Variants in VASP observed in about 807,000 individuals in gnomAD.
VASP encodes the protein vasodilator stimulated phosphoprotein.
A neutral mutation model predicts 54.4 loss-of-function variants in VASP; 27 were observed. The ratio of observed to expected loss-of-function variants is 0.50; its 90% CI spans 0.37 to 0.68. The LOEUF (loss-of-function observed/expected upper bound fraction) is 0.68. Among genes scored for constraint, VASP ranks in the 30% least tolerant of loss-of-function variants. VASP has a pLI of 0.00. For synonymous variants in VASP, 233 were observed against 209.8 expected (o/e 1.11, Z -0.96); for missense variants, 488 against 528.3 (o/e 0.92, Z 0.75).
rs963121954 is a variant in VASP at position 45,507,882 on chromosome 19, T to C, written c.5+106T>C. The C allele has an allele frequency of 1.5e-5, 10 of 667,468 alleles. No individual in the cohort carries two copies. The African/African-American group carries it at 1.8e-4, about 12-fold the overall frequency. The allele number at this position is 667,468 out of a possible 1,614,324, so 41.3% of individuals were successfully genotyped here. A position where few individuals can be genotyped will look rare whatever the true frequency, so the allele number is the denominator to read the frequency against. ...CTCCGGGCTGGAATTTGGGGACAGATCCTTGGGAGCCTCGGATTTGAGCTG... is the reference window on the plus strand; with the variant it reads ...CTCCGGGCTGGAATTTGGGGACAGACCCTTGGGAGCCTCGGATTTGAGCTG... On this transcript the variant is annotated intron_variant, in intron 1 of 12. Coordinates refer to ENST00000245932, the MANE Select transcript of VASP (RefSeq NM_003370.4). This position sits in a 1 kb window ranked among gnomAD's most constrained non-coding sequence, Gnocchi z 4.4.
At chr19:45,521,620 G>A (rs1488397890) in intron 4 of VASP, among the ~76,000 whole-genome samples, 4 of 152,252 alleles carry the variant, frequency 2.6e-5, no homozygotes, top group African/African-American at 9.6e-5. Context: ...TGGGCGTGGT[G>A]GCTCACGCCT....
At chr19:45,520,736 A>G (rs1296077773) in intron 3 of VASP, among the ~76,000 whole-genome samples, 1 of 151,956 alleles carries the variant, frequency 6.6e-6, no homozygotes, top group Non-Finnish European at 1.5e-5. Context: ...GGCTGAGGCA[A>G]GTGGATCACT....
chr19:45,517,745 C>T lies in VASP; in HGVS notation c.88C>T (p.Pro30Ser). 1 of 1,613,394 alleles carries T rather than the reference C, an allele frequency of 6.2e-7. No homozygotes were observed. The highest frequency in any genetic ancestry group is 8.5e-7 in the Non-Finnish European group (1 of 1,180,016). Reference protein sequence around the residue: ...NKRWLPAGTGPQAFSRVQIYH... With the variant: ...NKRWLPAGTGSQAFSRVQIYH... ...GCGATGGCTCCCTGCTGGCACGGGT[C>T]CCCAGGCCTTCAGCCGCGTCCAGAT... Residue 30 changes from proline to serine, a missense_variant, in exon 2 of 13, where the codon CCC (proline) becomes TCC (serine). By Grantham distance (74) the Pro-to-Ser change is moderately conservative. Around this residue, in one of 4 missense-constraint regions of VASP, gnomAD observed 127 missense variants for 170.7 expected, o/e 0.74. Transcript: ENST00000245932.
intron 1 of VASP, among the ~76,000 whole-genome samples, chr19:45,510,041 G>A (rs568048589): frequency 6.6e-6 from 1 of 152,326 alleles, no homozygotes; most frequent in Admixed American, 6.5e-5. Flanking sequence ...TGGGAAGACA[G>A]AGAAGCGAGG....
chr19:45,523,190 A>ATTTTTTTTTTTTTTT lies in VASP; in HGVS notation c.821+388_821+402dup, dbSNP rs61288703. On this transcript the variant is annotated intron_variant, in intron 7 of 12. Coordinates refer to ENST00000245932, the MANE Select transcript of VASP (RefSeq NM_003370.4). ...TGATTCTAGAACCACAATCTCTTGAATTTTTTTTTTTTTTTTTTTTTTTTT... is the reference window on the plus strand; with the variant it reads ...TGATTCTAGAACCACAATCTCTTGAATTTTTTTTTTTTTTTTTTTTTTTTTTTTTTTTTTTTTTTT... 6.7e-5 allele frequency among the ~76,000 whole-genome samples: 5 copies of ATTTTTTTTTTTTTTT among 74,730 alleles called. 1 individual carries two copies. The highest frequency in any genetic ancestry group is 4.6e-4 in the East Asian group (1 of 2,194). 49.0% of individuals were successfully genotyped at this position (74,730 alleles called of 152,430 possible).
chr19:45,523,256 G>GCAGTGGTATGAT (rs1568390528), intron 7 of VASP, among the ~76,000 whole-genome samples: 1 of 127,740 alleles, frequency 7.8e-6, no homozygotes, highest in African/African-American at 3.0e-5. Context: ...AGGCTGGAGT[G>GCAGTGGTATGAT]CAGTGGTATG....
chr19:45,522,686 C>T lies in VASP; in HGVS notation c.721-32C>T, dbSNP rs773369051. The T allele has an allele frequency of 1.5e-5, 24 of 1,600,874 alleles. No homozygotes were observed. The Admixed American group carries it at 3.4e-4, about 23-fold the overall frequency. ...GGCTGGAAGGCCAAAAGGCCTGCCCCTAAAGCTCCTGCCCCTTTTAAATTT... is the reference window on the plus strand; with the variant it reads ...GGCTGGAAGGCCAAAAGGCCTGCCCTTAAAGCTCCTGCCCCTTTTAAATTT... On this transcript the variant is annotated intron_variant, in intron 6 of 12. Coordinates refer to ENST00000245932, the MANE Select transcript of VASP (RefSeq NM_003370.4).
Position 45,526,639 on chromosome 19 carries a change from T to C in VASP, c.*462T>C, listed in dbSNP as rs1376165743. The C allele has an allele frequency of 6.6e-6, 1 of 150,750 alleles. No homozygotes were observed. The highest frequency in any genetic ancestry group is 1.5e-5 in the Non-Finnish European group (1 of 67,710). The allele number at this position is 150,750 out of a possible 1,614,324, so 9.3% of individuals were successfully genotyped here. ...GTTTTGATAAAATGGGATGTGGGAG[T>C]TTTTAAATGCTATAGCCCTGGGCTT... On this transcript the variant is annotated 3_prime_UTR_variant, in exon 13 of 13. Coordinates refer to ENST00000245932, the MANE Select transcript of VASP (RefSeq NM_003370.4).
At chr19:45,520,188 C>G (rs532909605) in intron 3 of VASP, among the ~76,000 whole-genome samples, 1 of 152,080 alleles carries the variant, frequency 6.6e-6, no homozygotes, top group African/African-American at 2.4e-5. Context: ...AGGCGCGAGT[C>G]ACGCGCCCAG....
At position 45,524,520 on chromosome 19, in the gene VASP, G is replaced by C. The variant is rs1291947517; in HGVS notation, c.957-50G>C. 3 of 1,562,172 alleles carry C rather than the reference G, an allele frequency of 1.9e-6. No homozygotes were observed. The South Asian group carries it at 3.3e-5, about 17-fold the overall frequency. On this transcript the variant is annotated intron_variant, in intron 10 of 12. Transcript: ENST00000245932. ...CCCTGGAATAGGAGGCGGGGAAGCA[G>C]GTCCTCTCTCTAATCTCATTGCTGT... is the stretch of plus-strand genomic sequence containing the variant.
chr19:45,515,801 A>G (rs763438569), intron 1 of VASP, among the ~76,000 whole-genome samples: 1 of 152,012 alleles, frequency 6.6e-6, no homozygotes, highest in Non-Finnish European at 1.5e-5. Flanking sequence ...GCTTCCCAAC[A>G]TGCTGTAATT....
intron 1 of VASP, among the ~76,000 whole-genome samples, chr19:45,509,536 C>G (rs928112128): frequency 1.3e-5 from 2 of 151,256 alleles, no homozygotes; most frequent in African/African-American, 4.9e-5. Context: ...ACCACCACCA[C>G]CAGCACCAGC....
intron 5 of VASP, 33 bp from the exon 6 acceptor site, chr19:45,522,307 T>G: frequency 3.7e-6 from 6 of 1,613,296 alleles, no homozygotes; most frequent in Non-Finnish European, 5.1e-6. Flanking sequence ...GGCTTCTCTC[T>G]CTCAGCTGCC....
chr19:45,526,099 A>G (rs1968960433), intron 12 of VASP, 41 bp from the exon 13 acceptor site: 3 of 1,613,794 alleles, frequency 1.9e-6, no homozygotes, highest in Non-Finnish European at 2.5e-6. Flanking sequence ...GGGAGGAGGC[A>G]GAGACTCTGC....
At chr19:45,518,970 T>C (rs987680293) in intron 3 of VASP, among the ~76,000 whole-genome samples, 1 of 152,158 alleles carries the variant, frequency 6.6e-6, no homozygotes, top group Non-Finnish European at 1.5e-5. Flanking sequence ...TAGCTGGGAT[T>C]ACAGGCATGT....
rs569494023 is a variant in VASP, at chr19:45,519,628, G to T, written c.343+1534G>T. Among the ~76,000 whole-genome samples the T allele has an allele frequency of 4.6e-3, 584 of 127,534 alleles. 4 individuals are homozygous for T. Among genetic ancestry groups the T allele is most frequent in the African/African-American group, 0.016 (547 of 33,332 alleles). The allele number at this position is 127,534 out of a possible 152,430, so 83.7% of individuals were successfully genotyped here. A position where few individuals can be genotyped will look rare whatever the true frequency, so the allele number is the denominator to read the frequency against. ...TTTTTTTTTTTGGAGACGGAGTCTCGCTCTGTCCCCAGGTTGGAGTGCAGT... is the reference window on the plus strand; with the variant it reads ...TTTTTTTTTTTGGAGACGGAGTCTCTCTCTGTCCCCAGGTTGGAGTGCAGT... On this transcript the variant is annotated intron_variant, in intron 3 of 12. Transcript: ENST00000245932.
intron 11 of VASP, 94 bp from the exon 12 acceptor site, chr19:45,525,852 G>A (rs776139127): frequency 9.2e-5 from 119 of 1,296,728 alleles, no homozygotes; most frequent in Non-Finnish European, 1.2e-4. Flanking sequence ...CTGGGCAACA[G>A]AGCAAGGTTC....
At chr19:45,519,025 A>AT (rs1968767715) in intron 3 of VASP, among the ~76,000 whole-genome samples, 1 of 136,152 alleles carries the variant, frequency 7.3e-6, no homozygotes, top group East Asian at 2.2e-4. Context: ...TTTTATTTTT[A>AT]TTTTTTTGAG....
chr19:45,517,867 G>A (rs1287154742), intron 2 of VASP, 33 bp downstream of exon 2: 1 of 1,605,574 alleles, frequency 6.2e-7, no homozygotes, highest in South Asian at 1.1e-5. Flanking sequence ...TCTGTGGGCT[G>A]AACCCCTACC....
Sources: gnomAD v4.1 joint callset for allele counts (sites outside exome capture counted in the v4.1 genomes callset) on GRCh38, gnomAD v4.1.1 for gene constraint, gnomAD v4.1.1 regional missense constraint, Gnocchi (gnomAD v3.1) non-coding constraint, MANE v1.5 for transcripts, NCBI Gene and HGNC (gene_info 2026-07-23, HGNC 2026-07-21) for gene names.